TMTC1: variants seen among roughly 807,000 people sequenced by gnomAD.
TMTC1 encodes transmembrane O-mannosyltransferase targeting cadherins 1.
In TMTC1, 73 loss-of-function variants were observed where a neutral mutation model predicts 104.8. The observed-to-expected ratio is 0.70, with a 90% CI of 0.58 to 0.85. The LOEUF is 0.85. TMTC1 is among the 40% of genes least tolerant of loss of function. TMTC1 has a pLI of 0.00. For missense variants in TMTC1, 1,035 were observed against 1,096.1 expected, an observed-to-expected ratio of 0.94 and a Z score of 0.79; for synonymous variants, 434 against 428.7, an observed-to-expected ratio of 1.01 and a Z score of -0.15.
intron 4 of TMTC1, among the ~76,000 whole-genome samples, chr12:29,753,418 C>A (rs2136977780): frequency 6.6e-6 from 1 of 152,354 alleles, no homozygotes; most frequent in African/African-American, 2.4e-5. Flanking sequence ...CAATGGTGCT[C>A]CGGGCTAACC....
At chr12:29,659,779 G>A in intron 5 of TMTC1, 1 of 836,184 alleles carries the variant, frequency 1.2e-6, no homozygotes. Flanking sequence ...CCCACATGGA[G>A]GATAGACCCC....
chr12:29,611,003 C>G (rs1946830086), intron 6 of TMTC1, among the ~76,000 whole-genome samples: 1 of 152,188 alleles, frequency 6.6e-6, no homozygotes, highest in African/African-American at 2.4e-5. Context: ...CAAAAGTAGA[C>G]TTGTATACTT....
chr12:29,607,979 C>T (rs1453000368), intron 6 of TMTC1, among the ~76,000 whole-genome samples: 1 of 152,142 alleles, frequency 6.6e-6, no homozygotes, highest in East Asian at 1.9e-4. Context: ...AGTGCCCAAA[C>T]TCAATAAAGT....
chr12:29,601,543 A>G (rs1946565164), intron 7 of TMTC1, among the ~76,000 whole-genome samples: 1 of 152,114 alleles, frequency 6.6e-6, no homozygotes, highest in South Asian at 2.1e-4. Flanking sequence ...CTATGTGTAG[A>G]TTTTCTTCTT....
chr12:29,749,449 A>G (rs1318767011), intron 5 of TMTC1, among the ~76,000 whole-genome samples: 1 of 152,146 alleles, frequency 6.6e-6, no homozygotes, highest in Non-Finnish European at 1.5e-5. Flanking sequence ...CATCTATGAG[A>G]CACCCTGGCA....
chr12:29,575,853 T>A (rs1383205783), intron 8 of TMTC1, among the ~76,000 whole-genome samples: 1 of 152,202 alleles, frequency 6.6e-6, no homozygotes, highest in Non-Finnish European at 1.5e-5. Context: ...CCAACATACA[T>A]TCCCACCAAC....
intron 5 of TMTC1, among the ~76,000 whole-genome samples, chr12:29,644,104 A>AAT (rs1177440941): frequency 5.0e-5 from 3 of 59,618 alleles, no homozygotes; most frequent in African/African-American, 1.9e-4. Context: ...TAAATATATA[A>AAT]ATATATATGT....
At chr12:29,559,750 T>C (rs1393754659) in intron 9 of TMTC1, among the ~76,000 whole-genome samples, 1 of 152,040 alleles carries the variant, frequency 6.6e-6, no homozygotes, top group Admixed American at 6.5e-5. Flanking sequence ...ACCTGGAAAA[T>C]GTGTAGCTAT....
intron 4 of TMTC1, among the ~76,000 whole-genome samples, chr12:29,752,910 T>C (rs1228734825): frequency 1.3e-5 from 2 of 152,228 alleles, no homozygotes; most frequent in Non-Finnish European, 2.9e-5. Flanking sequence ...ACAGAGAATG[T>C]TATTTTCTAG....
intron 5 of TMTC1, among the ~76,000 whole-genome samples, chr12:29,707,935 C>G (rs568536673): frequency 6.6e-6 from 1 of 152,290 alleles, no homozygotes; most frequent in East Asian, 1.9e-4. Flanking sequence ...CACACAGAAC[C>G]AAGTCAGACA....
At chr12:29,529,936 A>C (rs1387249621) in intron 11 of TMTC1, 1 of 152,208 alleles carries the variant, frequency 6.6e-6, no homozygotes, top group African/African-American at 2.4e-5. Context: ...TGGAATGCCA[A>C]GAACAATACA....
chr12:29,545,886 T>C (rs973253794), intron 10 of TMTC1, among the ~76,000 whole-genome samples: 2 of 152,188 alleles, frequency 1.3e-5, no homozygotes, highest in East Asian at 3.8e-4. Context: ...GGGCCTATGT[T>C]GAGGACTTAC....
intron 5 of TMTC1, among the ~76,000 whole-genome samples, chr12:29,658,106 CAAAAACA>C (rs1367369130): frequency 1.3e-5 from 2 of 151,636 alleles, no homozygotes; most frequent in Non-Finnish European, 2.9e-5. Context: ...AAAACAAAAA[CAAAAACA>C]AAAAACAAAA....
chr12:29,613,226 C>T (rs190564282), intron 6 of TMTC1, among the ~76,000 whole-genome samples: 5 of 152,232 alleles, frequency 3.3e-5, no homozygotes, highest in Admixed American at 3.3e-4. Context: ...GAGATCTAAC[C>T]TAGTGGAGTG....
chr12:29,552,635 A>G (rs11050280), intron 10 of TMTC1, among the ~76,000 whole-genome samples: 28,335 of 152,124 alleles, frequency 0.19, 3,087 homozygotes, highest in East Asian at 0.37. Context: ...CATGTTACTT[A>G]TTTTCTCCAA....
intron 16 of TMTC1, among the ~76,000 whole-genome samples, chr12:29,514,206 G>A (rs1164657268): frequency 6.6e-6 from 1 of 152,124 alleles, no homozygotes; most frequent in African/African-American, 2.4e-5. Flanking sequence ...CAGACAGAGA[G>A]AAGCTAGTTT....
intron 8 of TMTC1, among the ~76,000 whole-genome samples, chr12:29,579,602 A>T (rs1945919945): frequency 6.6e-6 from 1 of 152,208 alleles, no homozygotes; most frequent in Admixed American, 6.5e-5. Context: ...GAAAGGAAAT[A>T]TGTTTGTCCC....
intron 5 of TMTC1, among the ~76,000 whole-genome samples, chr12:29,692,502 G>C (rs1941295655): frequency 6.9e-6 from 1 of 145,116 alleles, no homozygotes; most frequent in Admixed American, 7.1e-5. Flanking sequence ...ACAATAAGGA[G>C]TACTGGTGAA....
In TMTC1 at chr12:29,733,295, G is replaced by A. The variant is rs142988746; in HGVS notation, c.938+18371C>T. 7.2e-3 allele frequency among the ~76,000 whole-genome samples: 1,103 copies of A among 152,254 alleles called. 7 individuals are homozygous for A. Among genetic ancestry groups the A allele is most frequent in the Non-Finnish European group, 0.012 (786 of 68,020 alleles). On this transcript the variant is annotated intron_variant, in intron 5 of 17. Coordinates refer to ENST00000539277, the MANE Select transcript of TMTC1 (RefSeq NM_001193451.2). Reference sequence around the variant, plus strand: ...GTGGGTGGCGGAAGTAGGCAGTCTGGCTCCACAGAGCCTCCTTCACGTCCT... The same window carrying A: ...GTGGGTGGCGGAAGTAGGCAGTCTGACTCCACAGAGCCTCCTTCACGTCCT...
Sources: gnomAD v4.1 joint callset for allele counts (sites outside exome capture counted in the v4.1 genomes callset) on GRCh38, gnomAD v4.1.1 for gene constraint, MANE v1.5 for transcripts, NCBI Gene and HGNC (gene_info 2026-07-23, HGNC 2026-07-21) for gene names.